Variants in PAG1 observed in about 807,000 individuals in gnomAD.
The protein encoded by PAG1 is phosphoprotein membrane anchor with glycosphingolipid microdomains 1.
In PAG1, 23 loss-of-function variants were observed where a neutral mutation model predicts 31.7. The observed-to-expected ratio is 0.73, with a 90% CI of 0.52 to 1.03. The LOEUF is 1.03. Ranked by LOEUF, PAG1 falls within the 50% of genes least tolerant of loss-of-function variation. The probability of loss-of-function intolerance (pLI) is 0.00; values close to 1 mark genes in which losing one functional copy is unlikely to be tolerated. For synonymous variants in PAG1, 214 were observed against 210.3 expected (o/e 1.02, Z -0.15); for missense variants, 473 against 540.7 (o/e 0.87, Z 1.24).
intron 2 of PAG1, among the ~76,000 whole-genome samples, chr8:81,063,670 C>T (rs545354921): frequency 3.3e-5 from 5 of 152,088 alleles, no homozygotes; most frequent in South Asian, 4.2e-4. Flanking sequence ...AGGTGTTTCA[C>T]GAAAAGGTCA....
At chr8:81,051,223 G>A (rs950630725) in intron 2 of PAG1, among the ~76,000 whole-genome samples, 1 of 152,164 alleles carries the variant, frequency 6.6e-6, no homozygotes, top group African/African-American at 2.4e-5. Context: ...CTGGATTAGT[G>A]TCCCTGTTAG....
intron 3 of PAG1, among the ~76,000 whole-genome samples, chr8:81,027,524 C>G (rs13276765): frequency 0.64 from 97,962 of 152,066 alleles, 32,392 homozygotes; most frequent in Non-Finnish European, 0.72. Context: ...CTACTGTATA[C>G]TGACACTACT....
intron 1 of PAG1, among the ~76,000 whole-genome samples, chr8:81,103,269 G>C (rs557263998): frequency 2.0e-5 from 3 of 151,916 alleles, no homozygotes; most frequent in Admixed American, 2.0e-4. Flanking sequence ...TTCTACTGTT[G>C]GTGCTTTGAG....
chr8:81,020,776 T>C (rs1184210005), intron 3 of PAG1, among the ~76,000 whole-genome samples: 2 of 152,346 alleles, frequency 1.3e-5, no homozygotes, highest in Non-Finnish European at 2.9e-5. Context: ...GGTAATCTTA[T>C]GTTTTAAGCT....
chr8:81,075,443 A>G (rs1809160777), intron 1 of PAG1, among the ~76,000 whole-genome samples: 1 of 152,260 alleles, frequency 6.6e-6, no homozygotes, highest in Non-Finnish European at 1.5e-5. Context: ...CCTCCTGTAC[A>G]AACACTTGCA....
chr8:81,083,448 A>G (rs1332127113), intron 1 of PAG1, among the ~76,000 whole-genome samples: 2 of 151,990 alleles, frequency 1.3e-5, no homozygotes, highest in Non-Finnish European at 2.9e-5. Flanking sequence ...TTTCTGTGAC[A>G]CTACCCAGTG....
Position 81,088,533 on chromosome 8 carries a change from T to A in PAG1, c.-233-18363A>T, listed in dbSNP as rs192470678. 1.1e-4 allele frequency among the ~76,000 whole-genome samples: 17 copies of A among 152,260 alleles called. No homozygotes were observed. In the East Asian group the frequency reaches 3.3e-3, roughly 29 times the overall value. On this transcript the variant is annotated intron_variant, in intron 1 of 8. Coordinates refer to ENST00000220597, the MANE Select transcript of PAG1 (RefSeq NM_018440.4). ...AATACAAATAGCAAAATGACTATAA[T>A]ACAAAATAGACAAACAGCAAAATGA...
intron 2 of PAG1, among the ~76,000 whole-genome samples, chr8:81,043,949 G>T (rs181175981): frequency 1.3e-5 from 2 of 152,180 alleles, no homozygotes; most frequent in African/African-American, 4.8e-5. Context: ...TGCTGTGGAT[G>T]TGCAGATTTC....
At chr8:81,097,631 T>C (rs1809548652) in intron 1 of PAG1, among the ~76,000 whole-genome samples, 1 of 151,368 alleles carries the variant, frequency 6.6e-6, no homozygotes, top group African/African-American at 2.4e-5. Context: ...CACAACCAAA[T>C]GGCAATGATT....
chr8:80,987,420 G>A lies in PAG1; in HGVS notation c.224C>T (p.Thr75Ile), dbSNP rs1194912958. The stretch of plus-strand genomic sequence containing the variant: ...CTGCTCACTGCTGGCAGGAGCATCT[G>A]TTGCCAGGCTAGTAACTGAACGGCT... The part of the protein sequence containing the change: ...MFSRSVTSLA[T>I]DAPASSEQNG... The change falls in exon 6 of 9, where the codon ACA becomes ATA. Residue 75 changes from threonine to isoleucine, a missense_variant. Thr to Ile is a moderately conservative substitution (Grantham distance 89). Coordinates refer to ENST00000220597, the MANE Select transcript of PAG1 (RefSeq NM_018440.4). The A allele has an allele frequency of 6.2e-7, 1 of 1,613,856 alleles. No homozygotes were observed. The highest frequency in any genetic ancestry group is 8.5e-7 in the Non-Finnish European group (1 of 1,179,868).
chr8:81,019,405 C>T (rs1015343603), intron 3 of PAG1, among the ~76,000 whole-genome samples: 5 of 152,190 alleles, frequency 3.3e-5, no homozygotes, highest in African/African-American at 1.2e-4. Context: ...GGCCTGGAGG[C>T]CTAGAAGGAA....
intron 2 of PAG1, among the ~76,000 whole-genome samples, chr8:81,050,262 T>C (rs1471349918): frequency 6.6e-6 from 1 of 152,214 alleles, no homozygotes; most frequent in Admixed American, 6.5e-5. Flanking sequence ...AATGAAGCAT[T>C]TAATCCTCTT....
chr8:81,015,619 T>C (rs1237444659), intron 3 of PAG1, among the ~76,000 whole-genome samples: 1 of 152,222 alleles, frequency 6.6e-6, no homozygotes, highest in East Asian at 1.9e-4. Context: ...CTAATTTTCA[T>C]AGGAAAAAGT....
chr8:81,074,063 C>T (rs1412946091), intron 1 of PAG1, among the ~76,000 whole-genome samples: 1 of 152,100 alleles, frequency 6.6e-6, no homozygotes, highest in Non-Finnish European at 1.5e-5. Context: ...GTGGGCAGAT[C>T]CAGGAAAGGC....
At chr8:81,042,222 T>C (rs1042969793) in intron 2 of PAG1, among the ~76,000 whole-genome samples, 2 of 152,192 alleles carry the variant, frequency 1.3e-5, no homozygotes, top group African/African-American at 4.8e-5. Context: ...ACAGAGTCTA[T>C]GCCTCACCAG....
chr8:81,043,035 C>G (rs762180306), intron 2 of PAG1, among the ~76,000 whole-genome samples: 30 of 152,128 alleles, frequency 2.0e-4, no homozygotes, highest in Admixed American at 1.5e-3. Flanking sequence ...AAAATACATA[C>G]TTTCTGTCTT....
rs148786190 is a variant in PAG1 at position 81,091,703 on chromosome 8, A to C, written c.-234+19888T>G. Reference sequence around the variant, plus strand: ...GGTACATGATTACATACATATATAAATAAACAATTCACAGTAGGACTTGGT... The same window carrying C: ...GGTACATGATTACATACATATATAACTAAACAATTCACAGTAGGACTTGGT... On this transcript the variant is annotated intron_variant, in intron 1 of 8. Transcript: ENST00000220597. Among the ~76,000 whole-genome samples, 432 of 152,292 alleles carry C rather than the reference A, an allele frequency of 2.8e-3. 1 individual carries two copies. Among genetic ancestry groups the C allele is most frequent in the African/African-American group, 9.8e-3 (409 of 41,540 alleles).
intron 1 of PAG1, among the ~76,000 whole-genome samples, chr8:81,111,068 A>G (rs1476625064): frequency 6.6e-6 from 1 of 152,252 alleles, no homozygotes; most frequent in African/African-American, 2.4e-5. Context: ...CTTAGGGCAT[A>G]AAACACCGGG....
rs773185389 is a variant in PAG1 at position 80,980,397 on chromosome 8, A to G, written c.936+38T>C. On this transcript the variant is annotated intron_variant, in intron 8 of 8. Transcript: ENST00000220597. Reference sequence around the variant, plus strand: ...TTCAAGGGGGGAAGGTCTATTCTTTACTACAGTTTTCCCTTTTTAAAAAGA... The same window carrying G: ...TTCAAGGGGGGAAGGTCTATTCTTTGCTACAGTTTTCCCTTTTTAAAAAGA... 12 of 1,153,804 alleles carry G rather than the reference A, an allele frequency of 1.0e-5. No homozygotes were observed. In the South Asian group the frequency reaches 1.5e-4, roughly 14 times the overall value. 71.5% of individuals were successfully genotyped at this position (1,153,804 alleles called of 1,614,324 possible). A position where few individuals can be genotyped will look rare whatever the true frequency, so the allele number is the denominator to read the frequency against.
Sources: gnomAD v4.1 joint callset for allele counts (sites outside exome capture counted in the v4.1 genomes callset) on GRCh38, gnomAD v4.1.1 for gene constraint, MANE v1.5 for transcripts, NCBI Gene and HGNC (gene_info 2026-07-23, HGNC 2026-07-21) for gene names.